Variants in CFAP161 observed in about 807,000 individuals in gnomAD.
CFAP161 encodes the protein cilia- and flagella-associated protein 161.
A neutral mutation model predicts 29.0 loss-of-function variants in CFAP161; 25 were observed. That is an observed-to-expected ratio of 0.86 (90% confidence interval 0.63 to 1.20). CFAP161 has a LOEUF of 1.20. Among genes scored for constraint, CFAP161 ranks in the 50% most tolerant of loss-of-function variants. CFAP161 has a pLI of 0.00. For missense variants in CFAP161, 367 were observed against 371.9 expected (o/e 0.99, Z 0.11); for synonymous variants, 116 against 137.4 (o/e 0.84, Z 1.09).
intron 1 of CFAP161, among the ~76,000 whole-genome samples, chr15:81,115,554 C>T (rs879190597): frequency 2.7e-5 from 4 of 150,300 alleles, no homozygotes; most frequent in Non-Finnish European, 5.9e-5. Flanking sequence ...AGTATTATTT[C>T]GTACTTCTGA....
At chr15:81,122,239 T>C (rs1344020597) in intron 1 of CFAP161, among the ~76,000 whole-genome samples, 1 of 152,202 alleles carries the variant, frequency 6.6e-6, no homozygotes, top group Non-Finnish European at 1.5e-5. Context: ...AGTAATGCGA[T>C]TGCTGGGTCA....
intron 1 of CFAP161, among the ~76,000 whole-genome samples, chr15:81,103,178 C>T (rs1039721986): frequency 1.3e-5 from 2 of 152,186 alleles, no homozygotes; most frequent in African/African-American, 4.8e-5. Context: ...AACTCATTTA[C>T]TTGTTGCAGT....
chr15:81,117,726 A>G, intron 1 of CFAP161: 1 of 319,580 alleles, frequency 3.1e-6, no homozygotes, highest in South Asian at 3.1e-5. Context: ...ATCCTCATCC[A>G]TCTTCATCTT....
rs527284684 is a variant in CFAP161 at position 81,140,803 on chromosome 15, T to G, written c.477+2668T>G. Among the ~76,000 whole-genome samples the G allele has an allele frequency of 2.6e-5, 4 of 152,256 alleles. No individual in the cohort carries two copies. The East Asian group carries it at 7.7e-4, about 29-fold the overall frequency. On this transcript the variant is annotated intron_variant, in intron 4 of 6. Coordinates refer to ENST00000286732, the MANE Select transcript of CFAP161 (RefSeq NM_173528.4). ...AGTTTCGCCATGTTGGCCAGGCTGG[T>G]CTTGAACTCCTGAGTTCAAGTGATC...
chr15:81,130,986 G>T (rs1436127729), upstream of CFAP161, among the ~76,000 whole-genome samples: 2 of 151,978 alleles, frequency 1.3e-5, no homozygotes, highest in African/African-American at 4.8e-5. Flanking sequence ...ACTGATCACA[G>T]ATCACCATAA....
chr15:81,143,309 TCAAAACAAAA>T lies in CFAP161; in HGVS notation c.478-333_478-324del, dbSNP rs200583269. Among the ~76,000 whole-genome samples the T allele has an allele frequency of 2.1e-3, 322 of 152,202 alleles. 7 individuals carry two copies. In the East Asian group the frequency reaches 0.052, roughly 25 times the overall value. On this transcript the variant is annotated intron_variant, in intron 4 of 6. Coordinates refer to ENST00000286732, the MANE Select transcript of CFAP161 (RefSeq NM_173528.4). ...CTGGGCAACAGAATGAGACCCTGTCTCAAAACAAAACAAAACAAAACAAAACAAACCCATT... is the reference window on the plus strand; with the variant it reads ...CTGGGCAACAGAATGAGACCCTGTCTCAAAACAAAACAAAACAAACCCATT...
intron 1 of CFAP161, among the ~76,000 whole-genome samples, chr15:81,113,706 A>G (rs573975093): frequency 6.6e-6 from 1 of 152,312 alleles, no homozygotes; most frequent in African/African-American, 2.4e-5. Flanking sequence ...TCTGGGTGCC[A>G]CCTTCCCAGC....
At chr15:81,134,066 C>T (rs1894761998), upstream of CFAP161, among the ~76,000 whole-genome samples, 1 of 152,230 alleles carries the variant, frequency 6.6e-6, no homozygotes, top group Non-Finnish European at 1.5e-5. Context: ...CTCTCGGAAG[C>T]ACTTTGTCAG....
upstream of CFAP161, chr15:81,134,258 G>A (rs1894766920): frequency 7.2e-6 from 11 of 1,527,992 alleles, no homozygotes; most frequent in Non-Finnish European, 9.8e-6. Flanking sequence ...CCTGGGGCCG[G>A]GTCGTCATGG....
intron 1 of CFAP161, among the ~76,000 whole-genome samples, chr15:81,123,975 C>T (rs947270851): frequency 6.6e-6 from 1 of 152,174 alleles, no homozygotes; most frequent in Non-Finnish European, 1.5e-5. Context: ...AGGATCATGT[C>T]ATCTACAAAC....
At chr15:81,147,330 G>A (rs956769834) in intron 5 of CFAP161, among the ~76,000 whole-genome samples, 4 of 151,778 alleles carry the variant, frequency 2.6e-5, no homozygotes, top group African/African-American at 2.4e-5. Flanking sequence ...TGAGGTCCCC[G>A]GACCCTCTTC....
At chr15:81,100,454 G>A (rs941823493) in intron 1 of CFAP161, among the ~76,000 whole-genome samples, 1 of 151,920 alleles carries the variant, frequency 6.6e-6, no homozygotes, top group African/African-American at 2.4e-5. Flanking sequence ...AACAATGGAT[G>A]ACTTCTTGGG....
intron 5 of CFAP161, among the ~76,000 whole-genome samples, chr15:81,145,227 T>C (rs998175652): frequency 6.6e-6 from 1 of 152,220 alleles, no homozygotes; most frequent in African/African-American, 2.4e-5. Context: ...AGGTTCTTTC[T>C]CTGAGCATGG....
intron 1 of CFAP161, among the ~76,000 whole-genome samples, chr15:81,104,707 G>A (rs952690941): frequency 6.6e-6 from 1 of 152,146 alleles, no homozygotes; most frequent in Non-Finnish European, 1.5e-5. Flanking sequence ...CATCCCAAAT[G>A]CCACTAGTCA....
intron 6 of CFAP161, 54 bp from the exon 7 acceptor site, chr15:81,148,284 T>A: frequency 6.7e-7 from 1 of 1,490,692 alleles, no homozygotes; most frequent in African/African-American, 1.4e-5. Flanking sequence ...TAATAACAGC[T>A]TATTGAGAGT....
chr15:81,147,106 C>T (rs149441989), intron 5 of CFAP161, among the ~76,000 whole-genome samples: 323 of 151,780 alleles, frequency 2.1e-3, no homozygotes, highest in Non-Finnish European at 3.5e-3. Context: ...TTTCATCTTA[C>T]GTAAAAATGC....
intron 6 of CFAP161, 25 bp from the exon 7 acceptor site, chr15:81,148,313 C>A: frequency 6.3e-7 from 1 of 1,584,728 alleles, no homozygotes; most frequent in Non-Finnish European, 8.6e-7. Flanking sequence ...AATTTCAAAC[C>A]ACAACTGATT....
At position 81,126,178 on chromosome 15, in the gene CFAP161, G is replaced by A. The variant is rs116878226; in HGVS notation, c.-141-1412G>A. 4.0e-3 allele frequency among the ~76,000 whole-genome samples: 613 copies of A among 152,266 alleles called. 2 individuals are homozygous for A. The highest frequency in any genetic ancestry group is 7.2e-3 in the Non-Finnish European group (492 of 68,020). On this transcript the variant is annotated intron_variant, in intron 1 of 4. Transcript: ENST00000560091. ...GCCACCATGCCCGGCCAACTCACTG[G>A]TGTATAAAAGAAAGTGAGATCCAAA... is the stretch of plus-strand genomic sequence containing the variant.
intron 1 of CFAP161, among the ~76,000 whole-genome samples, chr15:81,118,795 A>C (rs1894534074): frequency 6.6e-6 from 1 of 152,266 alleles, no homozygotes; most frequent in Non-Finnish European, 1.5e-5. Context: ...ATATAAATAA[A>C]AATACTCACG....
Sources: allele counts gnomAD v4.1 joint callset (sites outside exome capture counted in the v4.1 genomes callset), GRCh38; gene constraint gnomAD v4.1.1; transcripts MANE v1.5; gene names NCBI Gene and HGNC (gene_info 2026-07-23, HGNC 2026-07-21).